Variants in FBXL7 observed in about 807,000 individuals in gnomAD.
The protein encoded by FBXL7 is F-box and leucine rich repeat protein 7, also known as F-box/LRR-repeat protein 7.
FBXL7 carries 12 observed loss-of-function variants against 38.3 expected under a neutral mutation model. The ratio of observed to expected loss-of-function variants is 0.31; its 90% confidence interval spans 0.20 to 0.51. The LOEUF is 0.51. Among genes scored for constraint, FBXL7 ranks in the 20% least tolerant of loss-of-function variants. The pLI is 0.98. For synonymous variants in FBXL7, 297 were observed against 300.9 expected, an observed-to-expected ratio of 0.99 and a Z score of 0.13; for missense variants, 567 against 676.4, an observed-to-expected ratio of 0.84 and a Z score of 1.79.
chr5:15,593,290 G>A (rs923212749), intron 1 of FBXL7, among the ~76,000 whole-genome samples: 7 of 152,076 alleles, frequency 4.6e-5, no homozygotes, highest in Non-Finnish European at 8.8e-5. Context: ...TTGGGAGGCC[G>A]AGGCAGGTGG....
At chr5:15,848,504 CCCG>C (rs1224416352) in intron 2 of FBXL7, among the ~76,000 whole-genome samples, 9 of 152,126 alleles carry the variant, frequency 5.9e-5, no homozygotes, top group Non-Finnish European at 1.2e-4. Flanking sequence ...GCCTCAGCCT[CCCG>C]AGTAGCTGGG....
chr5:15,823,723 T>A (rs1738232801), intron 2 of FBXL7, among the ~76,000 whole-genome samples: 1 of 152,126 alleles, frequency 6.6e-6, no homozygotes, highest in Admixed American at 6.5e-5. Flanking sequence ...GCAAGCCGTA[T>A]TGATGTCTCA....
At chr5:15,561,046 C>G (rs1427556399) in intron 1 of FBXL7, among the ~76,000 whole-genome samples, 1 of 152,124 alleles carries the variant, frequency 6.6e-6, no homozygotes, top group African/African-American at 2.4e-5. Flanking sequence ...GAAAGAATTT[C>G]TAAAGCAAAG....
At chr5:15,796,521 T>C (rs1050757576) in intron 2 of FBXL7, among the ~76,000 whole-genome samples, 5 of 152,200 alleles carry the variant, frequency 3.3e-5, no homozygotes, top group Non-Finnish European at 4.4e-5. Context: ...ATTTTATCTC[T>C]GTTTAGAATT....
chr5:15,899,152 C>T (rs997288575), intron 2 of FBXL7, among the ~76,000 whole-genome samples: 2 of 152,096 alleles, frequency 1.3e-5, no homozygotes, highest in African/African-American at 4.8e-5. Flanking sequence ...CCGCAACCTC[C>T]ACCTCCTGGG....
At chr5:15,599,475 C>T (rs1739726562) in intron 1 of FBXL7, among the ~76,000 whole-genome samples, 1 of 152,118 alleles carries the variant, frequency 6.6e-6, no homozygotes, top group Non-Finnish European at 1.5e-5. Flanking sequence ...ATCCATTCTT[C>T]CACTTAGCTT....
chr5:15,699,135 G>C (rs962381851), intron 2 of FBXL7, among the ~76,000 whole-genome samples: 3 of 152,126 alleles, frequency 2.0e-5, no homozygotes, highest in Admixed American at 2.0e-4. Context: ...TTCAGGTCTG[G>C]TTCTACCATT....
chr5:15,851,908 G>A (rs1739108054), intron 2 of FBXL7, among the ~76,000 whole-genome samples: 1 of 151,510 alleles, frequency 6.6e-6, no homozygotes, highest in Non-Finnish European at 1.5e-5. Context: ...GCTACCCTGT[G>A]GCCTCCCCCT....
At chr5:15,790,022 T>C (rs1737233719) in intron 2 of FBXL7, among the ~76,000 whole-genome samples, 2 of 152,306 alleles carry the variant, frequency 1.3e-5, no homozygotes, top group African/African-American at 4.8e-5. Context: ...TCCTATTTAG[T>C]TTACCTTCCA....
intron 2 of FBXL7, among the ~76,000 whole-genome samples, chr5:15,828,280 C>A (rs1015263249): frequency 1.3e-5 from 2 of 152,090 alleles, no homozygotes; most frequent in Non-Finnish European, 1.5e-5. Context: ...CCAGACTTAG[C>A]AAATAAAGAT....
chr5:15,737,511 T>C (rs1735787166), intron 2 of FBXL7, among the ~76,000 whole-genome samples: 1 of 152,168 alleles, frequency 6.6e-6, no homozygotes, highest in Admixed American at 6.5e-5. Flanking sequence ...AGAGTGTCAC[T>C]TTGCATGATC....
At chr5:15,732,698 ATCC>A (rs1448253845) in intron 2 of FBXL7, among the ~76,000 whole-genome samples, 2 of 152,192 alleles carry the variant, frequency 1.3e-5, no homozygotes, top group African/African-American at 2.4e-5. Flanking sequence ...AAACTGCAAT[ATCC>A]TCCTATTTGG....
chr5:15,688,122 TTC>T (rs1161376052), intron 2 of FBXL7, among the ~76,000 whole-genome samples: 15 of 152,372 alleles, frequency 9.8e-5, no homozygotes, highest in Admixed American at 1.3e-4. Flanking sequence ...TTTCTTCTAT[TTC>T]TCTTTTTTTA....
chr5:15,788,609 A>G (rs1421487681), intron 2 of FBXL7, among the ~76,000 whole-genome samples: 7 of 151,872 alleles, frequency 4.6e-5, no homozygotes, highest in Non-Finnish European at 8.8e-5. Flanking sequence ...TGTAGGTCCT[A>G]TGCCCTTTGC....
chr5:15,646,564 C>G (rs1048624383), intron 2 of FBXL7, among the ~76,000 whole-genome samples: 34 of 152,336 alleles, frequency 2.2e-4, no homozygotes, highest in Admixed American at 1.8e-3. Flanking sequence ...TAGACATTCT[C>G]TTTGGCTGAT....
intron 1 of FBXL7, among the ~76,000 whole-genome samples, chr5:15,579,711 G>A (rs1048739018): frequency 6.6e-6 from 1 of 152,100 alleles, no homozygotes; most frequent in Non-Finnish European, 1.5e-5. Flanking sequence ...TTGGTGGAGT[G>A]GATCTGGGGC....
At chr5:15,581,161 G>A (rs1739127271) in intron 1 of FBXL7, among the ~76,000 whole-genome samples, 1 of 152,100 alleles carries the variant, frequency 6.6e-6, no homozygotes, top group African/African-American at 2.4e-5. Flanking sequence ...GAAGCCTACT[G>A]AGTACCACAT....
chr5:15,858,244 A>G (rs1222064064), intron 2 of FBXL7, among the ~76,000 whole-genome samples: 2 of 150,212 alleles, frequency 1.3e-5, no homozygotes, highest in Non-Finnish European at 3.0e-5. Flanking sequence ...TATTATATAT[A>G]ATACATATTC....
intron 2 of FBXL7, among the ~76,000 whole-genome samples, chr5:15,858,196 G>T (rs966003579): frequency 6.7e-6 from 1 of 149,644 alleles, no homozygotes; most frequent in Non-Finnish European, 1.5e-5. Context: ...GGAGGAAAAA[G>T]TATATATATA....
Sources: allele counts gnomAD v4.1 joint callset (sites outside exome capture counted in the v4.1 genomes callset), GRCh38; gene constraint gnomAD v4.1.1; transcripts MANE v1.5; gene names NCBI Gene and HGNC (gene_info 2026-07-23, HGNC 2026-07-21).